The following CPLANE1 variants were observed in gnomAD, a reference collection of about 807,000 sequenced individuals.
CPLANE1 encodes the protein ciliogenesis and planar polarity effector 1.
A neutral mutation model predicts 362.5 loss-of-function variants in CPLANE1; 263 were observed. The observed-to-expected ratio is 0.73, with a 90% CI of 0.66 to 0.80. The LOEUF is 0.80. CPLANE1 is among the 30% of genes least tolerant of loss of function. The pLI, the probability that CPLANE1 is intolerant of heterozygous loss-of-function variation, is 0.00. For missense variants in CPLANE1, 3,461 were observed against 3,793.4 expected (o/e 0.91, Z 2.30); for synonymous variants, 1,212 against 1,302.6 (o/e 0.93, Z 1.50).
chr5:37,221,595 T>C, intron 14 of CPLANE1, 107 bp from the exon 15 acceptor site: 2 of 660,142 alleles, frequency 3.0e-6, no homozygotes, highest in Non-Finnish European at 4.6e-6. Context: ...CATCAAGTTG[T>C]ACACTCATGA....
At chr5:37,134,642 C>A (rs1051071600) in intron 46 of CPLANE1, among the ~76,000 whole-genome samples, 2 of 152,006 alleles carry the variant, frequency 1.3e-5, no homozygotes. Context: ...ATTTTGTTCA[C>A]TTCTGCTCTG....
chr5:37,084,548 G>A, the CPLANE1 span, among the ~76,000 whole-genome samples: 1 of 152,046 alleles, frequency 6.6e-6, no homozygotes, highest in African/African-American at 2.4e-5. Context: ...GGGAGGCCGA[G>A]TCGGGCAGAT....
intron 22 of CPLANE1, 29 bp downstream of exon 22, chr5:37,187,704 A>AT: frequency 6.3e-7 from 1 of 1,589,956 alleles, no homozygotes; most frequent in Non-Finnish European, 8.6e-7. Flanking sequence ...ACGTGTGTTC[A>AT]TTTTTCTTAT....
chr5:37,119,353 C>T (rs796908429), intron 50 of CPLANE1, among the ~76,000 whole-genome samples: 5 of 152,270 alleles, frequency 3.3e-5, no homozygotes, highest in African/African-American at 1.2e-4. Context: ...CCTACTAATA[C>T]CCTGATTGTT....
At chr5:37,110,069 C>A (rs1758698943) in intron 51 of CPLANE1, among the ~76,000 whole-genome samples, 1 of 152,186 alleles carries the variant, frequency 6.6e-6, no homozygotes, top group South Asian at 2.1e-4. Flanking sequence ...ATTGTTAAAA[C>A]CCTAGCCCAA....
chr5:37,087,374 C>T, the CPLANE1 span, among the ~76,000 whole-genome samples: 2 of 152,222 alleles, frequency 1.3e-5, no homozygotes, highest in African/African-American at 4.8e-5. Context: ...CCCACCATCA[C>T]CGGGCCAAAA....
At chr5:37,120,092 C>T in intron 50 of CPLANE1, 124 bp downstream of exon 50, 1 of 968,682 alleles carries the variant, frequency 1.0e-6, no homozygotes, top group Non-Finnish European at 1.5e-6. Context: ...AATGCCTCGC[C>T]TTCTGTTCAA....
At position 37,245,456 on chromosome 5, in the gene CPLANE1, TAAACAA is replaced by T. The variant is rs775543791; in HGVS notation, c.337+17_337+22del. 2 of 1,432,278 alleles carry T rather than the reference TAAACAA, an allele frequency of 1.4e-6. No homozygotes were observed. The highest frequency in any genetic ancestry group is 1.8e-6 in the Non-Finnish European group (2 of 1,088,398). 88.7% of individuals were successfully genotyped at this position (1,432,278 alleles called of 1,614,324 possible). On this transcript the variant is annotated intron_variant, in intron 4 of 52. Coordinates refer to ENST00000651892, the MANE Select transcript of CPLANE1 (RefSeq NM_001384732.1). Reference sequence around the variant, plus strand: ...CCTATTTTTCCTAGTTAAACCAACTTAAACAAATAAAAAAATTCCCACCGACTGTAG... The same window carrying T: ...CCTATTTTTCCTAGTTAAACCAACTTATAAAAAAATTCCCACCGACTGTAG...
At chr5:37,189,323 A>C (rs570096109) in intron 21 of CPLANE1, among the ~76,000 whole-genome samples, 2 of 152,274 alleles carry the variant, frequency 1.3e-5, no homozygotes, top group East Asian at 3.9e-4. Context: ...TATTCATCCC[A>C]ATAGTGAGAG....
intron 38 of CPLANE1, among the ~76,000 whole-genome samples, chr5:37,160,398 T>C (rs1035376736): frequency 2.0e-5 from 3 of 151,884 alleles, no homozygotes; most frequent in Non-Finnish European, 2.9e-5. Flanking sequence ...GTACTAAAAA[T>C]ACAAAAATTA....
At chr5:37,133,194 G>A (rs779187379) in intron 46 of CPLANE1, among the ~76,000 whole-genome samples, 2 of 152,042 alleles carry the variant, frequency 1.3e-5, no homozygotes, top group Non-Finnish European at 2.9e-5. Context: ...TAATTTGAAG[G>A]CAGGTAACAT....
chr5:37,186,307 G>A lies in CPLANE1; in HGVS notation c.4168C>T (p.Leu1390Phe). The part of the protein sequence containing the change: ...RDKYHSLHQR[L>F]RHCVVKGPQT... The stretch of plus-strand genomic sequence containing the variant: ...ATACCTTTCACAACACAGTGTCTGA[G>A]TCTCTGGTGAAGAGAGTGATATTTG... Residue 1390 changes from leucine to phenylalanine, a missense_variant, in exon 24 of 53, where the codon CTC becomes TTC. Coordinates refer to ENST00000651892, the MANE Select transcript of CPLANE1 (RefSeq NM_001384732.1). 1 of 1,552,218 alleles carries A rather than the reference G, an allele frequency of 6.4e-7. No individual in the cohort carries two copies. The highest frequency in any genetic ancestry group is 8.9e-7 in the Non-Finnish European group (1 of 1,124,200).
chr5:37,149,213 G>C (rs1177589359), intron 42 of CPLANE1, among the ~76,000 whole-genome samples: 6 of 152,122 alleles, frequency 3.9e-5, no homozygotes, highest in Non-Finnish European at 2.9e-5. Context: ...GGTGGGGGTA[G>C]TACCGAACCT....
chr5:37,221,149 T>C (rs1455811403), intron 15 of CPLANE1, among the ~76,000 whole-genome samples, 175 bp downstream of exon 15: 1 of 152,222 alleles, frequency 6.6e-6, no homozygotes, highest in Admixed American at 6.5e-5. Flanking sequence ...AGCAATTTCA[T>C]GTCTACACTA....
intron 20 of CPLANE1, among the ~76,000 whole-genome samples, chr5:37,198,244 T>C (rs61535847): frequency 0.034 from 5,240 of 152,138 alleles, 319 homozygotes; most frequent in African/African-American, 0.12. Flanking sequence ...TCAAACTGAA[T>C]TGCACATCTC....
At chr5:37,116,309 AC>A (rs1300983624) in intron 50 of CPLANE1, among the ~76,000 whole-genome samples, 2 of 151,890 alleles carry the variant, frequency 1.3e-5, no homozygotes, top group Non-Finnish European at 2.9e-5. Flanking sequence ...ACATGGTGAA[AC>A]CCTGTCTCTA....
chr5:37,170,850 C>T (rs1305477556), intron 32 of CPLANE1, among the ~76,000 whole-genome samples: 9 of 152,172 alleles, frequency 5.9e-5, no homozygotes, highest in African/African-American at 1.9e-4. Context: ...GCAGGAGAAT[C>T]GCTTGAACCA....
chr5:37,199,260 G>A (rs1432719423), intron 19 of CPLANE1, among the ~76,000 whole-genome samples: 1 of 152,078 alleles, frequency 6.6e-6, no homozygotes, highest in Non-Finnish European at 1.5e-5. Flanking sequence ...TCAACGTAAA[G>A]GGATAAGCTG....
intron 18 of CPLANE1, among the ~76,000 whole-genome samples, chr5:37,203,830 T>TAAAA (rs1271847837): frequency 2.6e-5 from 4 of 152,178 alleles, no homozygotes; most frequent in African/African-American, 9.6e-5. Flanking sequence ...ATGTACACAT[T>TAAAA]TTTGTGTACA....
Sources: gnomAD v4.1 joint callset for allele counts (sites outside exome capture counted in the v4.1 genomes callset) on GRCh38, gnomAD v4.1.1 for gene constraint, MANE v1.5 for transcripts, NCBI Gene and HGNC (gene_info 2026-07-23, HGNC 2026-07-21) for gene names.